MAST4: variants seen among roughly 807,000 people sequenced by gnomAD.
The protein encoded by MAST4 is microtubule-associated serine/threonine-protein kinase 4.
Under a neutral mutation model 162.7 loss-of-function variants are expected in MAST4, and 89 were observed. That is an observed-to-expected ratio of 0.55 (90% confidence interval 0.46 to 0.65). The LOEUF (loss-of-function observed/expected upper bound fraction) is 0.65. MAST4 is among the 30% of genes least tolerant of loss of function. MAST4 has a pLI of 0.00. For missense variants in MAST4, 3,153 were observed against 3,374.0 expected, an observed-to-expected ratio of 0.93 and a Z score of 1.62; for synonymous variants, 1,479 against 1,361.1, an observed-to-expected ratio of 1.09 and a Z score of -1.91.
At chr5:66,631,784 G>A (rs941605417) in intron 1 of MAST4, among the ~76,000 whole-genome samples, 15 of 152,102 alleles carry the variant, frequency 9.9e-5, no homozygotes, top group Non-Finnish European at 1.6e-4. Flanking sequence ...AGATTTTATT[G>A]TACTCATTTA....
Position 66,885,475 on chromosome 5 carries a change from G to T in MAST4, c.643-14476G>T, listed in dbSNP as rs112496527. On this transcript the variant is annotated intron_variant, in intron 3 of 28. Coordinates refer to ENST00000403625, the MANE Select transcript of MAST4 (RefSeq NM_001164664.2). ...AATGAAAGCTATGCAAGATAAAAAG[G>T]GTCTGCTTAAAATATACAGCTATGG... Among the ~76,000 whole-genome samples the T allele has an allele frequency of 7.6e-3, 1,156 of 152,258 alleles. 20 individuals carry two copies. The highest frequency in any genetic ancestry group is 0.026 in the African/African-American group (1,094 of 41,546).
chr5:67,126,458 C>T (rs2150973866), intron 14 of MAST4, among the ~76,000 whole-genome samples: 1 of 152,300 alleles, frequency 6.6e-6, no homozygotes, highest in East Asian at 1.9e-4. Flanking sequence ...CAACTTTCTG[C>T]ATATGGCTAG....
At position 67,046,174 on chromosome 5, in the gene MAST4, G is replaced by A. The variant is rs182572434; in HGVS notation, c.675-8230G>A. Among the ~76,000 whole-genome samples, 198 of 152,100 alleles carry A rather than the reference G, an allele frequency of 1.3e-3. 1 individual carries two copies. Among genetic ancestry groups the A allele is most frequent in the African/African-American group, 4.1e-3 (172 of 41,498 alleles). ...CTCTACCATCTAGGTTTGTGTAAGC[G>A]CGCTCTGTGATGTTTGCATGAGGAC... On this transcript the variant is annotated intron_variant, in intron 4 of 28. Transcript: ENST00000403625.
At position 67,164,470 on chromosome 5, in the gene MAST4, G is replaced by T. The variant is rs200247881; in HGVS notation, c.5291G>T (p.Arg1764Leu). ...SFVPLKALTG[R>L]VDSGTEKPGL... Reference sequence around the variant, plus strand: ...GTTCCCCTCAAGGCCTTAACAGGCCGGGTGGACAGTGGAACGGAGAAGCCT... The same window carrying T: ...GTTCCCCTCAAGGCCTTAACAGGCCTGGTGGACAGTGGAACGGAGAAGCCT... Residue 1764 changes from arginine to leucine, a missense_variant, in exon 29 of 29, where the codon CGG becomes CTG. Arg to Leu is a moderately radical substitution (Grantham distance 102). Around this residue, in one of 7 missense-constraint regions of MAST4, gnomAD observed 1,644 missense variants for 1,495.0 expected, o/e 1.10. Coordinates refer to ENST00000403625, the MANE Select transcript of MAST4 (RefSeq NM_001164664.2). This position sits in a 1 kb window ranked among gnomAD's most constrained non-coding sequence, Gnocchi z 5.3. 3.7e-6 allele frequency: 6 copies of T among 1,613,898 alleles called. No homozygotes were observed. The Admixed American group carries it at 1.0e-4, about 27-fold the overall frequency.
intron 4 of MAST4, chr5:66,959,246 C>T (rs1391520395): frequency 5.1e-6 from 4 of 779,684 alleles, no homozygotes; most frequent in South Asian, 2.7e-5. Flanking sequence ...CATATAACAA[C>T]CATGAAAGCC....
chr5:67,062,216 A>G (rs1242460697), intron 5 of MAST4, among the ~76,000 whole-genome samples: 1 of 152,186 alleles, frequency 6.6e-6, no homozygotes, highest in Non-Finnish European at 1.5e-5. Flanking sequence ...CCTGGCCAAC[A>G]TGGTGAAACC....
At chr5:66,789,724 C>G (rs781271069) in intron 3 of MAST4, 1 of 518,844 alleles carries the variant, frequency 1.9e-6, no homozygotes, top group African/African-American at 1.9e-5. Context: ...CCTGATTTCT[C>G]CACTGTAGTT....
At chr5:66,883,327 T>TAAAAGAGACTAGGAAATTTGC (rs1302861897) in intron 3 of MAST4, among the ~76,000 whole-genome samples, 1 of 152,182 alleles carries the variant, frequency 6.6e-6, no homozygotes, top group Non-Finnish European at 1.5e-5. Flanking sequence ...AGGAAATTTG[T>TAAAAGAGACTAGGAAATTTGC]TCAAGGAGAC....
intron 1 of MAST4, among the ~76,000 whole-genome samples, chr5:66,728,729 G>C (rs1751666136): frequency 1.3e-5 from 2 of 152,162 alleles, no homozygotes. Context: ...CAGTTTTTAT[G>C]TTCCCTTTAA....
intron 5 of MAST4, among the ~76,000 whole-genome samples, chr5:67,066,822 G>A (rs928099895): frequency 1.3e-5 from 2 of 152,000 alleles, no homozygotes; most frequent in Non-Finnish European, 2.9e-5. Flanking sequence ...GATTTTTGAG[G>A]CCCTAGAAGC....
chr5:66,700,822 CACACAT>C, intron 1 of MAST4, among the ~76,000 whole-genome samples: 1 of 150,590 alleles, frequency 6.6e-6, no homozygotes, highest in African/African-American at 2.4e-5. Context: ...CACACACACA[CACACAT>C]ATATACACAT....
intron 12 of MAST4, among the ~76,000 whole-genome samples, chr5:67,116,797 CAG>C (rs1274022881): frequency 6.6e-6 from 1 of 152,098 alleles, no homozygotes; most frequent in African/African-American, 2.4e-5. Flanking sequence ...GTCTGAGCGA[CAG>C]AACAAGACTC....
intron 4 of MAST4, among the ~76,000 whole-genome samples, chr5:66,976,451 T>C (rs1009164590): frequency 7.2e-5 from 11 of 152,348 alleles, no homozygotes; most frequent in African/African-American, 2.6e-4. Context: ...GAGATGAAGA[T>C]TAAAAAGGAT....
chr5:67,134,431 A>C (rs146632301), intron 17 of MAST4, 92 bp from the exon 18 acceptor site: 3 of 1,213,840 alleles, frequency 2.5e-6, no homozygotes, highest in Non-Finnish European at 3.5e-6. Context: ...GAGCAGGTGC[A>C]TTCTGGGCAA....
At chr5:67,039,204 A>G (rs887717292) in intron 4 of MAST4, among the ~76,000 whole-genome samples, 6 of 152,216 alleles carry the variant, frequency 3.9e-5, no homozygotes, top group Non-Finnish European at 2.9e-5. Flanking sequence ...TATTTCTTTC[A>G]TAGTACCGTT....
chr5:66,829,848 A>G (rs1757480813), intron 3 of MAST4, among the ~76,000 whole-genome samples: 1 of 108,954 alleles, frequency 9.2e-6, no homozygotes, highest in Admixed American at 8.3e-5. Context: ...TCATATTACT[A>G]TAATATTAAT....
chr5:67,102,494 A>T, intron 8 of MAST4, 42 bp from the exon 9 acceptor site: 1 of 1,557,840 alleles, frequency 6.4e-7, no homozygotes, highest in Non-Finnish European at 8.9e-7. Flanking sequence ...TTTTCATTTC[A>T]TGCTGTGGCA....
chr5:67,142,238 G>C lies in MAST4; in HGVS notation c.2617+1G>C. On this transcript the variant is annotated splice_donor_variant, in intron 20 of 28. Transcript: ENST00000403625. LOFTEE classifies it high-confidence loss of function. ...GAGGATGACACAAGTTATTTTGATA[G>C]TATGTGCTTTATCTGACATAAAACA... The C allele has an allele frequency of 6.2e-7, 1 of 1,613,546 alleles. No individual in the cohort carries two copies. Among genetic ancestry groups the C allele is most frequent in the Non-Finnish European group, 8.5e-7 (1 of 1,179,750 alleles).
Position 67,153,474 on chromosome 5 carries a change from G to A in MAST4, c.3542G>A (p.Ser1181Asn), listed in dbSNP as rs769060704. 1.2e-6 allele frequency: 2 copies of A among 1,604,310 alleles called. No individual in the cohort carries two copies. The highest frequency in any genetic ancestry group is 2.7e-5 in the African/African-American group (2 of 74,808). ...HHIVWNVEEGSPACQAGLKAG... is the reference protein window; with the variant it reads ...HHIVWNVEEGNPACQAGLKAG... ...GGACTTTAGAATGTAGAAGAAGGAAGTCCGGCATGCCAGGCAGGACTGAAG... is the reference window on the plus strand; with the variant it reads ...GGACTTTAGAATGTAGAAGAAGGAAATCCGGCATGCCAGGCAGGACTGAAG... Residue 1181 changes from serine to asparagine, a missense_variant, in exon 26 of 29, where the codon AGT (serine) becomes AAT (asparagine). Ser to Asn is a conservative substitution (Grantham distance 46, BLOSUM62 1). Transcript: ENST00000403625.
Sources: allele counts gnomAD v4.1 joint callset (sites outside exome capture counted in the v4.1 genomes callset), GRCh38; gene constraint gnomAD v4.1.1; regional missense constraint gnomAD v4.1.1; non-coding constraint Gnocchi (gnomAD v3.1); transcripts MANE v1.5; gene names NCBI Gene and HGNC (gene_info 2026-07-23, HGNC 2026-07-21).